BCL6: variants seen among roughly 807,000 people sequenced by gnomAD.
BCL6 encodes the protein B-cell lymphoma 6 protein.
A neutral mutation model predicts 59.5 loss-of-function variants in BCL6; 7 were observed. The ratio of observed to expected loss-of-function variants is 0.12; its 90% confidence interval spans 0.07 to 0.22. BCL6 has a LOEUF of 0.22. Ranked by LOEUF, BCL6 falls within the 10% of genes least tolerant of loss-of-function variation. The pLI is 1.00. For synonymous variants in BCL6, 339 were observed against 349.7 expected, an observed-to-expected ratio of 0.97 and a Z score of 0.34; for missense variants, 685 against 939.4, an observed-to-expected ratio of 0.73 and a Z score of 3.54.
In BCL6 at chr3:187,725,458, C is replaced by A; in HGVS notation, c.1839+41G>T. On this transcript the variant is annotated intron_variant, in intron 8 of 9. Coordinates refer to ENST00000406870, the MANE Select transcript of BCL6 (RefSeq NM_001706.5). This position sits in a 1 kb window ranked among gnomAD's most constrained non-coding sequence, Gnocchi z 4.7. ...CACTCCTCCGCTCGCCTGCCCGCTC[C>A]GCTCGCCTGCCCGCTCCGCTCGCCT... 1 of 1,590,642 alleles carries A rather than the reference C, an allele frequency of 6.3e-7. No individual in the cohort carries two copies. The highest frequency in any genetic ancestry group is 8.6e-7 in the Non-Finnish European group (1 of 1,167,978).
rs1375333353 is a variant in BCL6, at chr3:187,729,698, C to T, written c.707G>A (p.Arg236Lys). 1 of 1,614,148 alleles carries T rather than the reference C, an allele frequency of 6.2e-7. No individual in the cohort carries two copies. The highest frequency in any genetic ancestry group is 2.2e-5 in the East Asian group (1 of 44,880). Residue 236 changes from arginine (R) to lysine (K), a missense_variant, in exon 5 of 10, where the codon AGG becomes AAG. By Grantham distance (26) the Arg-to-Lys change is conservative. Transcript: ENST00000406870. The surrounding 1 kb of genome is among the most constrained non-coding windows in gnomAD (Gnocchi z 5.6). ...CCGGCTGTACTCACCAGGGACTGGC[C>T]TGGCACTATCACATGGGAGTGCCCG... ...KERALPCDSA[R>K]PVPGEYSRPT...
chr3:187,722,302 A>G lies in BCL6; in HGVS notation c.*156T>C, dbSNP rs1391164722. The G allele has an allele frequency of 8.0e-6, 3 of 376,374 alleles. No homozygotes were observed. The highest frequency in any genetic ancestry group is 1.4e-5 in the Non-Finnish European group (3 of 215,612). 23.3% of individuals were successfully genotyped at this position (376,374 alleles called of 1,614,324 possible). A position where few individuals can be genotyped will look rare whatever the true frequency, so the allele number is the denominator to read the frequency against. On this transcript the variant is annotated 3_prime_UTR_variant, in exon 10 of 10. Coordinates refer to ENST00000406870, the MANE Select transcript of BCL6 (RefSeq NM_001706.5). ...GAGCTGCTGCGGCTCCCAGTCCCCC[A>G]GGCCCCGACCCCCACCACCCCCAAC...
At chr3:187,744,833 C>T (rs1423229696) in intron 1 of BCL6, among the ~76,000 whole-genome samples, 3 of 152,000 alleles carry the variant, frequency 2.0e-5, no homozygotes, top group East Asian at 1.9e-4. Context: ...AGTTTGCAAG[C>T]GAGAAAAGAG....
In BCL6 at chr3:187,726,239, T is replaced by C. The variant is rs141072118; in HGVS notation, c.1708+492A>G. 1.7e-4 allele frequency among the ~76,000 whole-genome samples: 26 copies of C among 152,238 alleles called. 1 individual carries two copies. The East Asian group carries it at 4.8e-3, about 28-fold the overall frequency. ...GTAGATGCTCAGCAGAGGAAACCAA[T>C]AGAATGGCTGAACCTTCCTTCATGG... On this transcript the variant is annotated intron_variant, in intron 7 of 9. Transcript: ENST00000406870.
chr3:187,743,350 AG>A (rs148910493), intron 1 of BCL6, among the ~76,000 whole-genome samples: 1,775 of 108,222 alleles, frequency 0.016, 32 homozygotes, highest in African/African-American at 0.056. Flanking sequence ...GCCGGCGGGG[AG>A]GGGGCGCGGA....
intron 2 of BCL6, among the ~76,000 whole-genome samples, chr3:187,734,023 G>A (rs1430722230): frequency 3.9e-5 from 6 of 152,172 alleles, no homozygotes; most frequent in Non-Finnish European, 5.9e-5. Flanking sequence ...TTGCAATGGA[G>A]AGACACCGTG....
chr3:187,724,913 A>C, intron 9 of BCL6, 28 bp downstream of exon 9: 1 of 1,596,264 alleles, frequency 6.3e-7, no homozygotes, highest in Non-Finnish European at 8.5e-7. Flanking sequence ...CCCGCAGGTC[A>C]GAGAGCGGCC....
chr3:187,745,237 T>G (rs1441951696), intron 1 of BCL6, among the ~76,000 whole-genome samples, 173 bp downstream of exon 1: 2 of 152,268 alleles, frequency 1.3e-5, no homozygotes, highest in East Asian at 1.9e-4. Context: ...TACATTTATA[T>G]CAATAGATAC....
chr3:187,733,925 T>TA, intron 2 of BCL6: 1 of 552,302 alleles, frequency 1.8e-6, no homozygotes, highest in Non-Finnish European at 3.3e-6. Context: ...GAAAGCCCTT[T>TA]AGGGGAAAAG....
intron 9 of BCL6, among the ~76,000 whole-genome samples, chr3:187,723,961 T>C (rs1436876020): frequency 1.3e-5 from 2 of 152,232 alleles, no homozygotes; most frequent in Non-Finnish European, 2.9e-5. Flanking sequence ...GTAGATACTA[T>C]TTTCAAACTC....
intron 1 of BCL6, among the ~76,000 whole-genome samples, chr3:187,739,105 C>A (rs1356621253): frequency 6.6e-6 from 1 of 152,172 alleles, no homozygotes; most frequent in African/African-American, 2.4e-5. Flanking sequence ...GAATGCCTTC[C>A]GCCCTTCCCC....
intron 1 of BCL6, among the ~76,000 whole-genome samples, chr3:187,735,171 A>G (rs921623171): frequency 6.6e-6 from 1 of 152,234 alleles, no homozygotes; most frequent in African/African-American, 2.4e-5. Context: ...ACATACATAC[A>G]TACATATATT....
Position 187,729,052 on chromosome 3 carries a change from G to A in BCL6, c.1353C>T (p.Asn451=), listed in dbSNP as rs950972916. 3.3e-6 allele frequency: 5 copies of A among 1,522,860 alleles called. No individual in the cohort carries two copies. In the African/African-American group the frequency reaches 4.2e-5, roughly 13 times the overall value. The allele number at this position is 1,522,860 out of a possible 1,614,324, so 94.3% of individuals were successfully genotyped here. ...PQASRLNNIV[N]RSMTGSPRSS... ...ACCCAGACAGTCTCTGAAATCACCT[G>A]TTAACGATGTTATTGAGCCGGCTGG... Residue 451 remains asparagine (N), a splice_region_variant and synonymous_variant, in exon 5 of 10, where the codon AAC becomes AAT. Transcript: ENST00000406870. The surrounding 1 kb of genome is among the most constrained non-coding windows in gnomAD (Gnocchi z 5.6).
chr3:187,727,874 C>G (rs946924644), intron 6 of BCL6, among the ~76,000 whole-genome samples: 1 of 152,196 alleles, frequency 6.6e-6, no homozygotes, highest in Non-Finnish European at 1.5e-5. Flanking sequence ...TTTAATAATT[C>G]TCTTCAACTC....
chr3:187,739,788 CA>C (rs2108478385), intron 1 of BCL6, among the ~76,000 whole-genome samples: 1 of 152,184 alleles, frequency 6.6e-6, no homozygotes, highest in Non-Finnish European at 1.5e-5. Flanking sequence ...TCAGCCTTTG[CA>C]AAAAGGCTGG....
At chr3:187,742,525 T>C in intron 1 of BCL6, among the ~76,000 whole-genome samples, 1 of 152,346 alleles carries the variant, frequency 6.6e-6, no homozygotes, top group Middle Eastern at 3.4e-3. Flanking sequence ...TCGCCCAGTT[T>C]TTATGAACAG....
chr3:187,722,368 C>A lies in BCL6; in HGVS notation c.*90G>T. The A allele has an allele frequency of 9.1e-7, 1 of 1,098,326 alleles. No homozygotes were observed. The highest frequency in any genetic ancestry group is 1.8e-5 in the South Asian group (1 of 55,340). The allele number at this position is 1,098,326 out of a possible 1,614,324, so 68.0% of individuals were successfully genotyped here. A position where few individuals can be genotyped will look rare whatever the true frequency, so the allele number is the denominator to read the frequency against. On this transcript the variant is annotated 3_prime_UTR_variant, in exon 10 of 10. Transcript: ENST00000406870. Reference sequence around the variant, plus strand: ...GCACTAGTGGATGAAAGAGGCACTACATCATGGGATGAACATTGTAAAGTG... The same window carrying A: ...GCACTAGTGGATGAAAGAGGCACTAAATCATGGGATGAACATTGTAAAGTG...
intron 1 of BCL6, among the ~76,000 whole-genome samples, chr3:187,742,229 T>C (rs1001351535): frequency 2.6e-5 from 4 of 152,198 alleles, no homozygotes; most frequent in African/African-American, 7.2e-5. Context: ...TCTATATCTC[T>C]TAAGTTTTTC....
rs910580996 is a variant in BCL6 at position 187,722,442 on chromosome 3, A to G, written c.*16T>C. The G allele has an allele frequency of 1.2e-6, 2 of 1,608,668 alleles. No individual in the cohort carries two copies. Among genetic ancestry groups the G allele is most frequent in the African/African-American group, 1.3e-5 (1 of 74,680 alleles). On this transcript the variant is annotated 3_prime_UTR_variant, in exon 10 of 10. Coordinates refer to ENST00000406870, the MANE Select transcript of BCL6 (RefSeq NM_001706.5). ...CTGAGAAGGGGCTGGAGACGAAAGCATCAACACTCCATGCTTCAGCAGGCT... is the reference window on the plus strand; with the variant it reads ...CTGAGAAGGGGCTGGAGACGAAAGCGTCAACACTCCATGCTTCAGCAGGCT...
Sources: gnomAD v4.1 joint callset for allele counts (sites outside exome capture counted in the v4.1 genomes callset) on GRCh38, gnomAD v4.1.1 for gene constraint, Gnocchi (gnomAD v3.1) non-coding constraint, MANE v1.5 for transcripts, NCBI Gene and HGNC (gene_info 2026-07-23, HGNC 2026-07-21) for gene names.